Variants in TMEM132D observed in about 807,000 individuals in gnomAD.
The protein encoded by TMEM132D is mature OL transmembrane protein.
Under a neutral mutation model 62.3 loss-of-function variants are expected in TMEM132D, and 21 were observed. The ratio of observed to expected loss-of-function variants is 0.34; its 90% CI spans 0.24 to 0.49. The LOEUF is 0.49. TMEM132D is among the 20% of genes least tolerant of loss of function. TMEM132D has a pLI of 0.99. For missense variants in TMEM132D, 1,346 were observed against 1,402.8 expected (o/e 0.96, Z 0.65); for synonymous variants, 621 against 575.6 (o/e 1.08, Z -1.13).
intron 2 of TMEM132D, among the ~76,000 whole-genome samples, chr12:129,670,020 C>T (rs745833804): frequency 2.0e-5 from 3 of 152,128 alleles, no homozygotes; most frequent in Non-Finnish European, 4.4e-5. Flanking sequence ...CCAGAGCGAT[C>T]GGCTGCCTTT....
intron 1 of TMEM132D, among the ~76,000 whole-genome samples, chr12:129,726,106 G>T (rs1869025514): frequency 6.6e-6 from 1 of 152,314 alleles, no homozygotes; most frequent in South Asian, 2.1e-4. Context: ...TCAACTCATT[G>T]CTGGAAGAAT....
intron 2 of TMEM132D, among the ~76,000 whole-genome samples, chr12:129,634,111 G>T (rs1465826168): frequency 2.0e-5 from 3 of 152,078 alleles, no homozygotes; most frequent in Non-Finnish European, 4.4e-5. Flanking sequence ...GTCACGTGTG[G>T]GAAGGCCTCC....
At chr12:129,357,880 C>T (rs981379249) in intron 3 of TMEM132D, among the ~76,000 whole-genome samples, 2 of 152,236 alleles carry the variant, frequency 1.3e-5, no homozygotes, top group Admixed American at 6.5e-5. Flanking sequence ...CTCCCATTCC[C>T]GCCTTGACAT....
At chr12:129,178,917 C>T (rs1877985481) in intron 5 of TMEM132D, among the ~76,000 whole-genome samples, 1 of 152,186 alleles carries the variant, frequency 6.6e-6, no homozygotes, top group Non-Finnish European at 1.5e-5. Flanking sequence ...TTACAAAGCA[C>T]TTGTGCAGCG....
At chr12:129,092,099 C>G (rs1483741671) in intron 5 of TMEM132D, among the ~76,000 whole-genome samples, 1 of 152,126 alleles carries the variant, frequency 6.6e-6, no homozygotes, top group South Asian at 2.1e-4. Context: ...TCTTGAACCC[C>G]TTTCATAATC....
At chr12:129,695,143 A>C (rs1185187362) in intron 2 of TMEM132D, among the ~76,000 whole-genome samples, 2 of 152,244 alleles carry the variant, frequency 1.3e-5, no homozygotes, top group Non-Finnish European at 2.9e-5. Context: ...ATTGAATTTA[A>C]TTCAGCTGAA....
At chr12:129,761,188 G>A (rs1478868198) in intron 1 of TMEM132D, among the ~76,000 whole-genome samples, 1 of 152,152 alleles carries the variant, frequency 6.6e-6, no homozygotes, top group Non-Finnish European at 1.5e-5. Flanking sequence ...AGAGTCACTT[G>A]GATCTGTAAG....
intron 4 of TMEM132D, among the ~76,000 whole-genome samples, chr12:129,306,515 G>A (rs947695129): frequency 2.0e-5 from 3 of 152,086 alleles, no homozygotes; most frequent in South Asian, 2.1e-4. Context: ...AATGCATTCC[G>A]TGGCACAATA....
chr12:129,866,871 G>A (rs1874076027), intron 1 of TMEM132D, among the ~76,000 whole-genome samples: 1 of 152,172 alleles, frequency 6.6e-6, no homozygotes, highest in African/African-American at 2.4e-5. Context: ...TAGCCAAGAT[G>A]AGTCAGCCTA....
intron 2 of TMEM132D, among the ~76,000 whole-genome samples, chr12:129,535,665 T>C (rs1250266742): frequency 6.6e-6 from 1 of 152,176 alleles, no homozygotes; most frequent in Admixed American, 6.5e-5. Context: ...CTAATACAAA[T>C]GTGTGCTATA....
rs76307284 is a variant in TMEM132D at position 129,895,020 on chromosome 12, G to T, written c.79+8241C>A. On this transcript the variant is annotated intron_variant, in intron 1 of 8. Coordinates refer to ENST00000422113, the MANE Select transcript of TMEM132D (RefSeq NM_133448.3). ...GTAGCTGCTCTTCTGAGGTTTGCGC[G>T]AAGGAGCTCATCTGTTTGGACAGCC... Among the ~76,000 whole-genome samples, 696 of 152,228 alleles carry T rather than the reference G, an allele frequency of 4.6e-3. 7 individuals are homozygous for T. The highest frequency in any genetic ancestry group is 0.015 in the African/African-American group (623 of 41,534).
intron 1 of TMEM132D, among the ~76,000 whole-genome samples, chr12:129,770,391 C>T (rs558280098): frequency 2.6e-5 from 4 of 152,274 alleles, no homozygotes; most frequent in African/African-American, 9.6e-5. Flanking sequence ...ATCTGCCTGC[C>T]TCGGCCTCCC....
intron 5 of TMEM132D, among the ~76,000 whole-genome samples, chr12:129,137,077 C>T (rs1183540185): frequency 1.3e-5 from 2 of 151,090 alleles, no homozygotes; most frequent in Non-Finnish European, 3.0e-5. Context: ...CCACTATCAC[C>T]ATCATCATTA....
chr12:129,360,446 G>T (rs1267992822), intron 3 of TMEM132D, among the ~76,000 whole-genome samples: 1 of 152,190 alleles, frequency 6.6e-6, no homozygotes, highest in Non-Finnish European at 1.5e-5. Flanking sequence ...GTTCAATGAG[G>T]ATGGAAAGCA....
intron 2 of TMEM132D, among the ~76,000 whole-genome samples, chr12:129,619,988 G>C (rs1368924875): frequency 6.6e-6 from 1 of 152,180 alleles, no homozygotes; most frequent in Non-Finnish European, 1.5e-5. Context: ...CCAAAGCCAC[G>C]CAGCCCAGGT....
intron 1 of TMEM132D, among the ~76,000 whole-genome samples, chr12:129,790,047 C>A (rs1399429782): frequency 6.6e-6 from 1 of 152,152 alleles, no homozygotes. Context: ...GCTGCTTCGA[C>A]GCCAGCAGGG....
chr12:129,194,721 C>CT (rs1878500335), intron 5 of TMEM132D, among the ~76,000 whole-genome samples: 1 of 152,150 alleles, frequency 6.6e-6, no homozygotes, highest in Non-Finnish European at 1.5e-5. Flanking sequence ...TATATTTTCA[C>CT]TTTTTTATGT....
intron 5 of TMEM132D, among the ~76,000 whole-genome samples, chr12:129,181,946 T>C (rs1593287905): frequency 6.6e-6 from 1 of 152,224 alleles, no homozygotes; most frequent in East Asian, 1.9e-4. Context: ...ACCACCAGTG[T>C]GTCTAATTCA....
chr12:129,665,197 T>TG (rs113335816), intron 2 of TMEM132D, among the ~76,000 whole-genome samples: 60 of 150,974 alleles, frequency 4.0e-4, no homozygotes, highest in Middle Eastern at 3.4e-3. Context: ...GGGGAGCAGG[T>TG]GGGGGGGGCA....
Sources: gnomAD v4.1 joint callset for allele counts (sites outside exome capture counted in the v4.1 genomes callset) on GRCh38, gnomAD v4.1.1 for gene constraint, MANE v1.5 for transcripts, NCBI Gene and HGNC (gene_info 2026-07-23, HGNC 2026-07-21) for gene names.